The following PDE4D variants were observed in gnomAD, a reference collection of about 807,000 sequenced individuals.
The protein encoded by PDE4D is phosphodiesterase 4D.
In PDE4D, 24 loss-of-function variants were observed where a neutral mutation model predicts 87.4. The ratio of observed to expected loss-of-function variants is 0.27; its 90% confidence interval spans 0.20 to 0.39. The LOEUF is 0.39. Ranked by LOEUF, PDE4D falls within the 10% of genes least tolerant of loss-of-function variation. PDE4D has a pLI of 1.00. For synonymous variants in PDE4D, 384 were observed against 383.2 expected (o/e 1.00, Z -0.02); for missense variants, 714 against 1,041.0 (o/e 0.69, Z 4.32).
intron 3 of PDE4D, among the ~76,000 whole-genome samples, chr5:59,902,194 C>T (rs547606905): frequency 6.6e-6 from 1 of 151,992 alleles, no homozygotes; most frequent in Non-Finnish European, 1.5e-5. Flanking sequence ...TTATAACACT[C>T]AAAAACAAGA....
chr5:59,941,762 T>G (rs542054358), intron 3 of PDE4D, among the ~76,000 whole-genome samples: 1 of 152,270 alleles, frequency 6.6e-6, no homozygotes, highest in African/African-American at 2.4e-5. Context: ...CTCTAATATC[T>G]TCTATATTTA....
intron 2 of PDE4D, among the ~76,000 whole-genome samples, chr5:60,168,847 G>A (rs1018303712): frequency 6.6e-6 from 1 of 152,056 alleles, no homozygotes; most frequent in African/African-American, 2.4e-5. Flanking sequence ...TGAATATGAG[G>A]GCTGATTGTG....
At chr5:60,053,291 T>A (rs1296028932) in intron 2 of PDE4D, among the ~76,000 whole-genome samples, 4 of 152,178 alleles carry the variant, frequency 2.6e-5, no homozygotes, top group African/African-American at 9.7e-5. Context: ...CTTCAAACTA[T>A]ACTGCAAGGC....
At chr5:59,287,374 T>G (rs558736140) in intron 1 of PDE4D, among the ~76,000 whole-genome samples, 1 of 152,000 alleles carries the variant, frequency 6.6e-6, no homozygotes, top group African/African-American at 2.4e-5. Context: ...TCTTGTGACT[T>G]GGGTGCCAGC....
At chr5:59,049,999 C>T (rs1205210469) in intron 5 of PDE4D, among the ~76,000 whole-genome samples, 2 of 152,182 alleles carry the variant, frequency 1.3e-5, no homozygotes, top group African/African-American at 2.4e-5. Flanking sequence ...CATGGTGGCT[C>T]ATGTCTGTAA....
At chr5:60,276,637 T>C (rs931388233) in intron 1 of PDE4D, among the ~76,000 whole-genome samples, 2 of 152,218 alleles carry the variant, frequency 1.3e-5, no homozygotes, top group Admixed American at 6.5e-5. Flanking sequence ...CTTTCTTTTT[T>C]CTTTCCACAA....
chr5:59,446,112 T>A (rs1798301769), intron 1 of PDE4D, among the ~76,000 whole-genome samples: 1 of 152,172 alleles, frequency 6.6e-6, no homozygotes, highest in African/African-American at 2.4e-5. Context: ...GCAAAGACAA[T>A]TTAATTTGGT....
At chr5:59,143,506 T>C (rs2153456429) in intron 5 of PDE4D, among the ~76,000 whole-genome samples, 1 of 152,162 alleles carries the variant, frequency 6.6e-6, no homozygotes, top group East Asian at 1.9e-4. Flanking sequence ...CTTGAGCGAG[T>C]TAACTAAAAT....
At chr5:60,079,438 G>A (rs1773691849) in intron 2 of PDE4D, among the ~76,000 whole-genome samples, 1 of 152,162 alleles carries the variant, frequency 6.6e-6, no homozygotes, top group Non-Finnish European at 1.5e-5. Context: ...TTTTTGTCAT[G>A]AAGTCTTTGC....
At chr5:59,311,517 A>C (rs1408812515) in intron 1 of PDE4D, among the ~76,000 whole-genome samples, 1 of 150,306 alleles carries the variant, frequency 6.7e-6, no homozygotes, top group Non-Finnish European at 1.5e-5. Flanking sequence ...AAAAAAAAAA[A>C]AAAAAAAAAC....
intron 1 of PDE4D, among the ~76,000 whole-genome samples, chr5:60,506,205 G>A (rs764923804): frequency 1.5e-4 from 23 of 152,186 alleles, no homozygotes; most frequent in African/African-American, 4.6e-4. Context: ...ACTGGAACAT[G>A]TATTCACTCA....
intron 2 of PDE4D, among the ~76,000 whole-genome samples, chr5:60,176,680 G>A (rs924887384): frequency 1.1e-4 from 17 of 152,196 alleles, no homozygotes; most frequent in Non-Finnish European, 2.2e-4. Flanking sequence ...TGTGAGACAC[G>A]AAATGTTATT....
chr5:60,117,002 TGAA>T (rs1037618851), intron 2 of PDE4D, among the ~76,000 whole-genome samples: 6 of 151,524 alleles, frequency 4.0e-5, no homozygotes, highest in African/African-American at 1.5e-4. Flanking sequence ...AAAATTATTA[TGAA>T]GAAGAAAAAT....
chr5:59,337,377 G>A (rs1224692695), intron 1 of PDE4D, among the ~76,000 whole-genome samples: 2 of 145,392 alleles, frequency 1.4e-5, no homozygotes, highest in Non-Finnish European at 3.0e-5. Flanking sequence ...TGTCGCCCAG[G>A]CTGGAGGGCA....
intron 6 of PDE4D, among the ~76,000 whole-genome samples, chr5:59,018,202 T>A (rs1232256642): frequency 6.6e-6 from 1 of 152,260 alleles, no homozygotes; most frequent in Non-Finnish European, 1.5e-5. Flanking sequence ...GCTTATGCTA[T>A]CAACAGTTTG....
intron 1 of PDE4D, among the ~76,000 whole-genome samples, chr5:59,843,444 C>A (rs930646834): frequency 2.0e-5 from 3 of 151,986 alleles, no homozygotes; most frequent in Non-Finnish European, 4.4e-5. Flanking sequence ...CCTACTCCCC[C>A]CCAGAAAAAT....
chr5:59,760,792 T>C (rs1761874358), intron 1 of PDE4D, among the ~76,000 whole-genome samples: 1 of 152,208 alleles, frequency 6.6e-6, no homozygotes, highest in Non-Finnish European at 1.5e-5. Flanking sequence ...GTAGCCTAAA[T>C]TGACTGTTAA....
chr5:60,063,042 C>T (rs1771599861), intron 2 of PDE4D, among the ~76,000 whole-genome samples: 1 of 145,198 alleles, frequency 6.9e-6, no homozygotes, highest in South Asian at 2.2e-4. Context: ...TGTAAGAAAC[C>T]TGCATGTTCT....
chr5:59,794,725 A>C (rs950584859), intron 1 of PDE4D, among the ~76,000 whole-genome samples: 6 of 152,068 alleles, frequency 3.9e-5, no homozygotes, highest in Admixed American at 2.6e-4. Flanking sequence ...ATTCAAAACA[A>C]CTCTTTGTGA....
Sources: gnomAD v4.1 joint callset for allele counts (sites outside exome capture counted in the v4.1 genomes callset) on GRCh38, gnomAD v4.1.1 for gene constraint, MANE v1.5 for transcripts, NCBI Gene and HGNC (gene_info 2026-07-23, HGNC 2026-07-21) for gene names.